Variants in BRD1 observed in about 807,000 individuals in gnomAD.
BRD1 encodes bromodomain containing 1.
Under a neutral mutation model 107.7 loss-of-function variants are expected in BRD1, and 24 were observed. The observed-to-expected ratio is 0.22, with a 90% CI of 0.16 to 0.31. The LOEUF (loss-of-function observed/expected upper bound fraction) is 0.31, where lower values mean the gene tolerates loss of function less well. BRD1 is among the 10% of genes least tolerant of loss of function. BRD1 has a pLI of 1.00. For synonymous variants in BRD1, 744 were observed against 686.1 expected, an observed-to-expected ratio of 1.08 and a Z score of -1.32; for missense variants, 1,279 against 1,638.6, an observed-to-expected ratio of 0.78 and a Z score of 3.79.
At chr22:49,807,525 T>C (rs970237685) in intron 2 of BRD1, among the ~76,000 whole-genome samples, 2 of 152,180 alleles carry the variant, frequency 1.3e-5, no homozygotes, top group African/African-American at 2.4e-5. Context: ...AAGACAGTCT[T>C]TTCAGCAGAT....
In BRD1 at chr22:49,787,634, C is replaced by T. The variant is rs895056767; in HGVS notation, c.2613G>A (p.Ala871=). Residue 871 remains alanine (A), a synonymous_variant, in exon 8 of 13, where the codon GCG becomes GCA. Transcript: ENST00000404760. The stretch of plus-strand genomic sequence containing the variant: ...GTCTGTTTACATCGCTTGCTGGCTC[C>T]GCCACCGCGGAGGCCGCCGCCGCCG... ...DVPAAAASAV[A]EPASDVNRRT... is the part of the protein sequence containing the mutation. 11 of 1,550,726 alleles carry T rather than the reference C, an allele frequency of 7.1e-6. No homozygotes were observed. The highest frequency in any genetic ancestry group is 3.6e-5 in the South Asian group (3 of 84,170).
At chr22:49,775,543 C>T (rs758566126) in intron 12 of BRD1, 48 bp downstream of exon 12, 2 of 1,347,318 alleles carry the variant, frequency 1.5e-6, no homozygotes, top group Middle Eastern at 3.9e-4. Context: ...AGCCCACGGC[C>T]CCCAACCACC....
At chr22:49,817,299 G>A in intron 2 of BRD1, 1 of 194,964 alleles carries the variant, frequency 5.1e-6, no homozygotes, top group Non-Finnish European at 1.1e-5. Context: ...GTGCATGACT[G>A]TTCATGAAGC....
rs548390512 is a variant in BRD1, at chr22:49,803,026, G to A, written c.1524+1178C>T. ...GTGGGGCAACCCAGGTGGACGGCACGGGAGACCTGGAATATTCCACAGCCA... is the reference window on the plus strand; with the variant it reads ...GTGGGGCAACCCAGGTGGACGGCACAGGAGACCTGGAATATTCCACAGCCA... On this transcript the variant is annotated intron_variant, in intron 3 of 12. Coordinates refer to ENST00000404760, the MANE Select transcript of BRD1 (RefSeq NM_001304808.3). This position sits in a 1 kb window ranked among gnomAD's most constrained non-coding sequence, Gnocchi z 4.4. Among the ~76,000 whole-genome samples the A allele has an allele frequency of 2.2e-4, 34 of 152,336 alleles. No homozygotes were observed. The East Asian group carries it at 2.3e-3, about 10-fold the overall frequency.
intron 8 of BRD1, among the ~76,000 whole-genome samples, chr22:49,781,751 A>C (rs1324516540): frequency 6.6e-6 from 1 of 152,272 alleles, no homozygotes; most frequent in Non-Finnish European, 1.5e-5. Context: ...AGGAGAGCCC[A>C]CTATCTCCTG....
intron 2 of BRD1, chr22:49,818,446 A>G (rs2059999374): frequency 9.9e-7 from 1 of 1,014,138 alleles, no homozygotes; most frequent in Admixed American, 4.6e-5. Flanking sequence ...ATAACCAAAA[A>G]GAGTTATCAG....
At chr22:49,826,269 C>T in intron 1 of BRD1, 1 of 985,426 alleles carries the variant, frequency 1.0e-6, no homozygotes, top group Non-Finnish European at 1.2e-6. Context: ...TTCATCGCAA[C>T]ACTTTCTACA....
In BRD1 at chr22:49,803,394, G is replaced by A. The variant is rs909077723; in HGVS notation, c.1524+810C>T. 1.3e-5 allele frequency among the ~76,000 whole-genome samples: 2 copies of A among 152,218 alleles called. No individual in the cohort carries two copies. Among genetic ancestry groups the A allele is most frequent in the Admixed American group, 6.5e-5 (1 of 15,286 alleles). On this transcript the variant is annotated intron_variant, in intron 3 of 12. Coordinates refer to ENST00000404760, the MANE Select transcript of BRD1 (RefSeq NM_001304808.3). This position sits in a 1 kb window ranked among gnomAD's most constrained non-coding sequence, Gnocchi z 4.4. Reference sequence around the variant, plus strand: ...ATTCCAAGAGGCACTCAGGCCACGCGACGCCAGCAGCAGACAGCTCTTCCA... The same window carrying A: ...ATTCCAAGAGGCACTCAGGCCACGCAACGCCAGCAGCAGACAGCTCTTCCA...
chr22:49,811,826 C>T (rs992198700), intron 2 of BRD1, among the ~76,000 whole-genome samples: 25 of 152,216 alleles, frequency 1.6e-4, no homozygotes, highest in African/African-American at 6.0e-4. Flanking sequence ...ACCGCACAGG[C>T]GAATTCAGCC....
chr22:49,827,743 C>T lies in BRD1; in HGVS notation c.-261G>A, dbSNP rs1027403773. ...GCTCGGGGCCCAGCTGGAGGCCCGG[C>T]TCGGGGGGCCCGGCCGGCGGGCGCG... is the stretch of plus-strand genomic sequence containing the variant. On this transcript the variant is annotated 5_prime_UTR_variant, in exon 1 of 13. Transcript: ENST00000404760. Among the ~76,000 whole-genome samples the T allele has an allele frequency of 2.1e-5, 3 of 142,692 alleles. No homozygotes were observed. The highest frequency in any genetic ancestry group is 7.6e-5 in the African/African-American group (3 of 39,310). The allele number at this position is 142,692 out of a possible 152,430, so 93.6% of individuals were successfully genotyped here.
Position 49,798,681 on chromosome 22 carries a change from C to T in BRD1, c.1662G>A (p.Lys554=). Residue 554 remains lysine, a synonymous_variant, in exon 5 of 13, where the codon AAG becomes AAA. Transcript: ENST00000404760. ...GCAGCTCCATGGCGACCTGCTCCAC[C>T]TTCACCTGGGGGGGCCCAGCAGAGC... The part of the protein sequence containing the change: ...KREKLKREQV[K]VEQVAMELRL... 6.2e-7 allele frequency: 1 copy of T among 1,603,588 alleles called. No homozygotes were observed. Among genetic ancestry groups the T allele is most frequent in the Non-Finnish European group, 8.5e-7 (1 of 1,175,462 alleles).
chr22:49,816,014 C>T (rs1436169390), intron 2 of BRD1, among the ~76,000 whole-genome samples: 1 of 152,122 alleles, frequency 6.6e-6, no homozygotes, highest in Non-Finnish European at 1.5e-5. Flanking sequence ...CCACACAGGG[C>T]CTCCCGGTGC....
chr22:49,822,221 T>C (rs534851791), intron 2 of BRD1, among the ~76,000 whole-genome samples: 5 of 151,562 alleles, frequency 3.3e-5, no homozygotes, highest in African/African-American at 7.3e-5. Flanking sequence ...AGCTCAGGAG[T>C]TCCAGACCAC....
rs779615439 is a variant in BRD1 at position 49,823,093 on chromosome 22, C to T, written c.1225G>A (p.Gly409Ser). 10 of 1,614,234 alleles carry T rather than the reference C, an allele frequency of 6.2e-6. No individual in the cohort carries two copies. Among genetic ancestry groups the T allele is most frequent in the Non-Finnish European group, 8.5e-6 (10 of 1,180,044 alleles). The change falls in exon 2 of 13, where the codon GGC becomes AGC. Residue 409 changes from glycine to serine, a missense_variant. Physicochemically the swap from Gly to Ser is moderately conservative, Grantham distance 56. Transcript: ENST00000404760. The stretch of plus-strand genomic sequence containing the variant: ...ACCGAGCTCTCTTTTCGACAGACGC[C>T]ATTTTTCATTTCGACATCCCCGTAA... ...NIYGDVEMKN[G>S]VCRKESSVKT...
At position 49,798,672 on chromosome 22, in the gene BRD1, C is replaced by G; in HGVS notation, c.1671G>C (p.Gln557His). 1 of 1,607,426 alleles carries G rather than the reference C, an allele frequency of 6.2e-7. No individual in the cohort carries two copies. Among genetic ancestry groups the G allele is most frequent in the Non-Finnish European group, 8.5e-7 (1 of 1,177,104 alleles). The change falls in exon 5 of 13, where the codon CAG (glutamine) becomes CAC (histidine). Residue 557 changes from glutamine to histidine, a missense_variant. Gln to His is a conservative substitution (Grantham distance 24, BLOSUM62 0). Transcript: ENST00000404760. Reference sequence around the variant, plus strand: ...GGGTCAGCCGCAGCTCCATGGCGACCTGCTCCACCTTCACCTGGGGGGGCC... The same window carrying G: ...GGGTCAGCCGCAGCTCCATGGCGACGTGCTCCACCTTCACCTGGGGGGGCC... ...KLKREQVKVE[Q>H]VAMELRLTPL...
At chr22:49,784,234 C>T (rs1483136236) in intron 8 of BRD1, among the ~76,000 whole-genome samples, 1 of 151,272 alleles carries the variant, frequency 6.6e-6, no homozygotes, top group African/African-American at 2.4e-5. Context: ...ACAAAGACAC[C>T]CCCGCGCTCT....
chr22:49,789,030 C>T (rs2059382267), intron 7 of BRD1, among the ~76,000 whole-genome samples: 1 of 152,204 alleles, frequency 6.6e-6, no homozygotes, highest in Non-Finnish European at 1.5e-5. Flanking sequence ...CAAGGCTGGG[C>T]CATGACGCCG....
At chr22:49,813,317 C>T (rs913891992) in intron 2 of BRD1, among the ~76,000 whole-genome samples, 1 of 151,992 alleles carries the variant, frequency 6.6e-6, no homozygotes, top group African/African-American at 2.4e-5. Flanking sequence ...TGCCTCCTGG[C>T]TTCAAGCGAT....
In BRD1 at chr22:49,792,898, T is replaced by C. The variant is rs190170950; in HGVS notation, c.2359+1136A>G. On this transcript the variant is annotated intron_variant, in intron 7 of 12. Transcript: ENST00000404760. The surrounding 1 kb of genome is among the most constrained non-coding windows in gnomAD (Gnocchi z 4.2). ...GAAGTTCAGGGGATGAAAAGGGCCC[T>C]GAGACCATGGGGACCCGCTGACCTG... 1.3e-5 allele frequency among the ~76,000 whole-genome samples: 2 copies of C among 152,286 alleles called. No homozygotes were observed. The highest frequency in any genetic ancestry group is 1.3e-4 in the Admixed American group (2 of 15,288).
Sources: allele counts gnomAD v4.1 joint callset (sites outside exome capture counted in the v4.1 genomes callset), GRCh38; gene constraint gnomAD v4.1.1; non-coding constraint Gnocchi (gnomAD v3.1); transcripts MANE v1.5; gene names NCBI Gene and HGNC (gene_info 2026-07-23, HGNC 2026-07-21).